Variants in MYO6 observed in about 807,000 individuals in gnomAD.
MYO6 encodes myosin VI.
Under a neutral mutation model 178.7 loss-of-function variants are expected in MYO6, and 74 were observed. The ratio of observed to expected loss-of-function variants is 0.41; its 90% CI spans 0.34 to 0.50. The LOEUF is 0.50. Ranked by LOEUF, MYO6 falls within the 20% of genes least tolerant of loss-of-function variation. MYO6 has a pLI of 0.09. For missense variants in MYO6, 1,330 were observed against 1,547.4 expected (o/e 0.86, Z 2.36); for synonymous variants, 477 against 504.6 (o/e 0.95, Z 0.73).
At chr6:75,870,360 T>G (rs1329781710) in intron 18 of MYO6, among the ~76,000 whole-genome samples, 4 of 152,254 alleles carry the variant, frequency 2.6e-5, no homozygotes, top group African/African-American at 9.6e-5. Flanking sequence ...CATTTTTTCC[T>G]CATTCATTCC....
chr6:75,771,953 A>G (rs893365455), intron 1 of MYO6, among the ~76,000 whole-genome samples: 5 of 152,224 alleles, frequency 3.3e-5, no homozygotes, highest in Admixed American at 2.6e-4. Context: ...AATTTTTAAA[A>G]TGTATGGTAT....
chr6:75,913,330 C>G (rs1780904980), intron 33 of MYO6, among the ~76,000 whole-genome samples: 1 of 152,096 alleles, frequency 6.6e-6, no homozygotes, highest in South Asian at 2.1e-4. Flanking sequence ...AGTAGAAAAG[C>G]AAGGATTTTT....
chr6:75,904,214 G>A (rs1780069978), intron 30 of MYO6, among the ~76,000 whole-genome samples: 1 of 149,390 alleles, frequency 6.7e-6, no homozygotes, highest in Non-Finnish European at 1.5e-5. Flanking sequence ...TCTTGGAGTT[G>A]CTCTTCTCGA....
At chr6:75,821,457 G>A (rs933721863) in intron 2 of MYO6, among the ~76,000 whole-genome samples, 1 of 151,922 alleles carries the variant, frequency 6.6e-6, no homozygotes, top group Non-Finnish European at 1.5e-5. Flanking sequence ...TGCTTTTGTG[G>A]CCTGTCCTAC....
chr6:75,846,640 A>G (rs1046565757), intron 10 of MYO6, among the ~76,000 whole-genome samples: 6 of 152,140 alleles, frequency 3.9e-5, no homozygotes, highest in Non-Finnish European at 7.4e-5. Context: ...TGATAAGACT[A>G]TGTTTTTCTG....
intron 14 of MYO6, 69 bp from the exon 15 acceptor site, chr6:75,860,954 C>T (rs1776151769): frequency 8.6e-7 from 1 of 1,159,194 alleles, no homozygotes; most frequent in South Asian, 1.2e-5. Flanking sequence ...ATGTTATGTT[C>T]AGAAACAGTG....
intron 23 of MYO6, among the ~76,000 whole-genome samples, chr6:75,882,901 C>T (rs1250366532): frequency 6.6e-6 from 1 of 152,094 alleles, no homozygotes; most frequent in Non-Finnish European, 1.5e-5. Context: ...TTACTGCAGT[C>T]ATCTGAAATA....
intron 1 of MYO6, among the ~76,000 whole-genome samples, chr6:75,798,036 G>A (rs750227925): frequency 6.6e-6 from 1 of 151,992 alleles, no homozygotes; most frequent in Non-Finnish European, 1.5e-5. Context: ...TTTTGGGGAC[G>A]GAGCCAAAAA....
At chr6:75,899,662 A>C (rs1018879848) in intron 30 of MYO6, among the ~76,000 whole-genome samples, 3 of 151,924 alleles carry the variant, frequency 2.0e-5, no homozygotes, top group South Asian at 2.1e-4. Flanking sequence ...ACAGATTTTA[A>C]TCATAAAAAT....
intron 10 of MYO6, among the ~76,000 whole-genome samples, 167 bp from the exon 11 acceptor site, chr6:75,848,184 A>G (rs1774910772): frequency 6.6e-6 from 1 of 152,212 alleles, no homozygotes; most frequent in African/African-American, 2.4e-5. Flanking sequence ...GATCCTGTGT[A>G]TACTTTTCAT....
chr6:75,841,418 G>C (rs1460841643), intron 9 of MYO6, 40 bp downstream of exon 9: 1 of 1,582,828 alleles, frequency 6.3e-7, no homozygotes, highest in Admixed American at 1.7e-5. Context: ...GCCAGGTGCA[G>C]TGGCTCATGC....
chr6:75,914,988 C>T lies in MYO6; in HGVS notation c.3834C>T (p.Ala1278=), dbSNP rs1230865650. 8 of 1,613,376 alleles carry T rather than the reference C, an allele frequency of 5.0e-6. No homozygotes were observed. The highest frequency in any genetic ancestry group is 6.8e-6 in the Non-Finnish European group (8 of 1,179,912). ...SRQARPTYAT[A]MLQSLLK ...AGGCTCGGCCCACCTATGCAACAGC[C>T]ATGCTGCAGAGTCTGTTAAAGTAGA... Residue 1278 remains alanine (A), a synonymous_variant, in exon 35 of 35, where the codon GCC becomes GCT. Coordinates refer to ENST00000369977, the MANE Select transcript of MYO6 (RefSeq NM_004999.4).
At chr6:75,845,901 C>T (rs911506777) in intron 10 of MYO6, among the ~76,000 whole-genome samples, 7 of 151,330 alleles carry the variant, frequency 4.6e-5, no homozygotes, top group Non-Finnish European at 1.0e-4. Flanking sequence ...GCAGGAGAAT[C>T]GCTTGAACCC....
chr6:75,777,775 C>T (rs988662396), intron 1 of MYO6, among the ~76,000 whole-genome samples: 1 of 152,004 alleles, frequency 6.6e-6, no homozygotes, highest in Non-Finnish European at 1.5e-5. Context: ...TTATTCCCTG[C>T]CCCCAATTCA....
Position 75,890,410 on chromosome 6 carries a change from G to C in MYO6, c.2867+145G>C, listed in dbSNP as rs181732253. On this transcript the variant is annotated intron_variant, in intron 26 of 34. Coordinates refer to ENST00000369977, the MANE Select transcript of MYO6 (RefSeq NM_004999.4). Reference sequence around the variant, plus strand: ...TGCCCAGGCTGGAGTGCAGTGGCGCGATCTTGGCTTACTGCACTCTGCCTC... The same window carrying C: ...TGCCCAGGCTGGAGTGCAGTGGCGCCATCTTGGCTTACTGCACTCTGCCTC... The C allele has an allele frequency of 1.8e-4, 206 of 1,135,060 alleles. No individual in the cohort carries two copies. In the East Asian group the frequency reaches 4.0e-3, roughly 22 times the overall value. 70.3% of individuals were successfully genotyped at this position (1,135,060 alleles called of 1,614,324 possible).
intron 1 of MYO6, among the ~76,000 whole-genome samples, chr6:75,796,280 G>A (rs1400928502): frequency 6.6e-6 from 1 of 152,130 alleles, no homozygotes; most frequent in Non-Finnish European, 1.5e-5. Flanking sequence ...TTACACCTTG[G>A]CATAGATCTG....
chr6:75,800,215 A>G (rs1769306994), intron 1 of MYO6, among the ~76,000 whole-genome samples: 1 of 152,190 alleles, frequency 6.6e-6, no homozygotes, highest in Non-Finnish European at 1.5e-5. Context: ...TACTTTCACG[A>G]AAGAAAATTC....
intron 6 of MYO6, among the ~76,000 whole-genome samples, chr6:75,834,435 G>A (rs1450672582): frequency 6.6e-6 from 1 of 152,066 alleles, no homozygotes; most frequent in Non-Finnish European, 1.5e-5. Context: ...GTTATGCTAT[G>A]TTGTCCAGGC....
intron 4 of MYO6, 102 bp downstream of exon 4, chr6:75,828,715 T>C: frequency 1.2e-6 from 1 of 816,576 alleles, no homozygotes; most frequent in South Asian, 1.4e-5. Context: ...AAAATCATGC[T>C]TGATCTGAGC....
Sources: gnomAD v4.1 joint callset for allele counts (sites outside exome capture counted in the v4.1 genomes callset) on GRCh38, gnomAD v4.1.1 for gene constraint, MANE v1.5 for transcripts, NCBI Gene and HGNC (gene_info 2026-07-23, HGNC 2026-07-21) for gene names.